Variants in PLCB1 observed in about 807,000 individuals in gnomAD.
PLCB1 encodes the protein phospholipase C beta 1.
A neutral mutation model predicts 161.8 loss-of-function variants in PLCB1; 46 were observed. The ratio of observed to expected loss-of-function variants is 0.28; its 90% CI spans 0.22 to 0.36. The LOEUF is 0.36. Ranked by LOEUF, PLCB1 falls within the 10% of genes least tolerant of loss-of-function variation. PLCB1 has a pLI of 1.00. For synonymous variants in PLCB1, 517 were observed against 503.7 expected (o/e 1.03, Z -0.35); for missense variants, 1,016 against 1,472.5 (o/e 0.69, Z 5.07).
At chr20:8,265,087 C>A (rs1981889826) in intron 2 of PLCB1, among the ~76,000 whole-genome samples, 1 of 152,144 alleles carries the variant, frequency 6.6e-6, no homozygotes, top group Non-Finnish European at 1.5e-5. Flanking sequence ...TGACACTGTA[C>A]AGAATTCTAT....
At chr20:8,515,635 T>C (rs1356524778) in intron 3 of PLCB1, among the ~76,000 whole-genome samples, 1 of 152,178 alleles carries the variant, frequency 6.6e-6, no homozygotes, top group East Asian at 1.9e-4. Context: ...TGATCAGAAA[T>C]AATTTATTGT....
chr20:8,421,725 CT>C (rs1378715644), intron 3 of PLCB1, among the ~76,000 whole-genome samples: 1 of 152,172 alleles, frequency 6.6e-6, no homozygotes, highest in Non-Finnish European at 1.5e-5. Flanking sequence ...CTGAATTTGT[CT>C]TTAGTAACTT....
At chr20:8,822,701 C>T (rs2146266434) in intron 31 of PLCB1, among the ~76,000 whole-genome samples, 1 of 152,316 alleles carries the variant, frequency 6.6e-6, no homozygotes, top group Non-Finnish European at 1.5e-5. Context: ...CCTCATCTTC[C>T]TAAACGCTTC....
chr20:8,539,560 C>G (rs570547562), intron 3 of PLCB1, among the ~76,000 whole-genome samples: 216 of 152,196 alleles, frequency 1.4e-3, no homozygotes, highest in African/African-American at 4.8e-3. Flanking sequence ...ACTGTTTTAT[C>G]CCCCAGTGCC....
intron 2 of PLCB1, among the ~76,000 whole-genome samples, chr20:8,283,532 G>C (rs1982976421): frequency 6.7e-6 from 1 of 149,618 alleles, no homozygotes; most frequent in South Asian, 2.1e-4. Flanking sequence ...TGGCTGCATA[G>C]TATCATATAC....
intron 10 of PLCB1, among the ~76,000 whole-genome samples, chr20:8,687,038 A>ATTC (rs1026299050): frequency 7.3e-5 from 11 of 151,526 alleles, no homozygotes; most frequent in African/African-American, 2.2e-4. Context: ...TATTATTATT[A>ATTC]TTCTTGAGAC....
chr20:8,874,136 A>C (rs1987697460), intron 31 of PLCB1, among the ~76,000 whole-genome samples: 3 of 151,912 alleles, frequency 2.0e-5, no homozygotes, highest in Non-Finnish European at 4.4e-5. Context: ...TAATTACTCC[A>C]TGTTGTATTT....
intron 2 of PLCB1, among the ~76,000 whole-genome samples, chr20:8,166,816 T>G (rs2123060706): frequency 6.6e-6 from 1 of 152,314 alleles, no homozygotes; most frequent in South Asian, 2.1e-4. Flanking sequence ...CACGGCATAT[T>G]TCTTTCTGCT....
At chr20:8,870,136 C>T (rs192223673) in intron 31 of PLCB1, among the ~76,000 whole-genome samples, 18 of 152,282 alleles carry the variant, frequency 1.2e-4, no homozygotes, top group Non-Finnish European at 1.5e-5. Context: ...AGCAAAGGCT[C>T]TGGGTACAGG....
intron 3 of PLCB1, among the ~76,000 whole-genome samples, chr20:8,620,747 C>CAAAAAAAAAAAAA (rs779029928): frequency 1.2e-4 from 9 of 75,240 alleles, no homozygotes; most frequent in African/African-American, 4.3e-4. Flanking sequence ...CTGCCCCCAC[C>CAAAAAAAAAAAAA]AAAAAAAAAA....
chr20:8,398,294 T>A (rs1978381416), intron 3 of PLCB1, among the ~76,000 whole-genome samples: 1 of 152,224 alleles, frequency 6.6e-6, no homozygotes, highest in Non-Finnish European at 1.5e-5. Context: ...ATATGTCATA[T>A]GTTTTAATAT....
intron 3 of PLCB1, among the ~76,000 whole-genome samples, chr20:8,531,487 A>T (rs548046187): frequency 3.2e-4 from 48 of 152,190 alleles, no homozygotes; most frequent in African/African-American, 1.0e-3. Context: ...GTGTATTTAT[A>T]TATGTATGTA....
chr20:8,539,645 T>TTTCTTTCTTTCC (rs1374301508), intron 3 of PLCB1, among the ~76,000 whole-genome samples: 5 of 63,502 alleles, frequency 7.9e-5, no homozygotes, highest in African/African-American at 2.9e-4. Context: ...TCTTTCTTTC[T>TTTCTTTCTTTCC]TTCTTTCTTT....
intron 16 of PLCB1, among the ~76,000 whole-genome samples, chr20:8,726,125 C>T (rs1210379860): frequency 2.6e-5 from 4 of 151,802 alleles, no homozygotes; most frequent in African/African-American, 9.7e-5. Context: ...AAAGAGAGGT[C>T]AAAGAGGGAA....
At chr20:8,223,954 G>A (rs1479879775) in intron 2 of PLCB1, among the ~76,000 whole-genome samples, 1 of 152,102 alleles carries the variant, frequency 6.6e-6, no homozygotes, top group Non-Finnish European at 1.5e-5. Flanking sequence ...GTGAGATTTG[G>A]CATGTGTGAG....
intron 3 of PLCB1, among the ~76,000 whole-genome samples, chr20:8,456,855 T>G (rs1374580254): frequency 1.3e-5 from 2 of 152,188 alleles, no homozygotes; most frequent in East Asian, 3.9e-4. Flanking sequence ...TGGGACCTCT[T>G]TTATAAGGGC....
intron 31 of PLCB1, among the ~76,000 whole-genome samples, chr20:8,850,597 G>C (rs1425635853): frequency 6.6e-6 from 1 of 151,918 alleles, no homozygotes; most frequent in Non-Finnish European, 1.5e-5. Flanking sequence ...ACTTTACGAG[G>C]TTTAGGTCAT....
At chr20:8,364,831 T>C (rs1202462954) in intron 2 of PLCB1, among the ~76,000 whole-genome samples, 2 of 152,224 alleles carry the variant, frequency 1.3e-5, no homozygotes, top group African/African-American at 2.4e-5. Flanking sequence ...CTATTTTTCA[T>C]TTACCTATAA....
At chr20:8,704,984 C>CTTT (rs368791318) in intron 11 of PLCB1, among the ~76,000 whole-genome samples, 5 of 118,802 alleles carry the variant, frequency 4.2e-5, no homozygotes, top group Middle Eastern at 4.5e-3. Flanking sequence ...CTCCTTTACT[C>CTTT]TTTTTTTTTT....
Sources: allele counts gnomAD v4.1 joint callset (sites outside exome capture counted in the v4.1 genomes callset), GRCh38; gene constraint gnomAD v4.1.1; transcripts MANE v1.5; gene names NCBI Gene and HGNC (gene_info 2026-07-23, HGNC 2026-07-21).